ZNF536: variants seen among roughly 807,000 people sequenced by gnomAD.
The protein encoded by ZNF536 is zinc finger protein 536.
ZNF536 carries 13 observed loss-of-function variants against 84.5 expected under a neutral mutation model. The observed-to-expected ratio is 0.15, with a 90% CI of 0.10 to 0.24. The LOEUF (loss-of-function observed/expected upper bound fraction) is 0.24, where lower values mean the gene tolerates loss of function less well. ZNF536 is among the 10% of genes least tolerant of loss of function. The pLI is 1.00. For synonymous variants in ZNF536, 811 were observed against 742.5 expected, an observed-to-expected ratio of 1.09 and a Z score of -1.50; for missense variants, 1,536 against 1,747.5, an observed-to-expected ratio of 0.88 and a Z score of 2.16.
chr19:30,435,323 G>T (rs1007107989), intron 1 of ZNF536, among the ~76,000 whole-genome samples: 1 of 150,312 alleles, frequency 6.7e-6, no homozygotes, highest in Non-Finnish European at 1.5e-5. Flanking sequence ...GGTGATGGTG[G>T]TGATGATGAT....
chr19:30,251,924 G>A (rs1373122639), intron 1 of ZNF536, among the ~76,000 whole-genome samples: 1 of 152,062 alleles, frequency 6.6e-6, no homozygotes, highest in African/African-American at 2.4e-5. Flanking sequence ...ATTCCTTTTT[G>A]TGGCTGAGTA....
intron 3 of ZNF536, among the ~76,000 whole-genome samples, chr19:30,365,854 C>T (rs760132453): frequency 9.9e-5 from 15 of 152,146 alleles, no homozygotes; most frequent in Admixed American, 5.9e-4. Context: ...ATAATAGCTA[C>T]GAAATCTCTG....
chr19:30,281,145 A>C (rs2045428873), intron 1 of ZNF536, among the ~76,000 whole-genome samples: 1 of 151,938 alleles, frequency 6.6e-6, no homozygotes, highest in Non-Finnish European at 1.5e-5. Context: ...CTCTCTCAGA[A>C]CTTTCCACTC....
chr19:30,679,989 G>T (rs368694218), intron 1 of ZNF536, among the ~76,000 whole-genome samples: 1 of 151,866 alleles, frequency 6.6e-6, no homozygotes, highest in African/African-American at 2.4e-5. Context: ...TCCACTGTAC[G>T]CCCTGGGAAA....
chr19:30,326,791 C>CTTTTTTTTTGTTTTTTTT (rs2047043889), intron 2 of ZNF536, among the ~76,000 whole-genome samples: 1 of 51,958 alleles, frequency 1.9e-5, no homozygotes, highest in Non-Finnish European at 3.3e-5. Flanking sequence ...TTATAAAAAG[C>CTTTTTTTTTGTTTTTTTT]TTTTTTTTTT....
downstream of ZNF536, among the ~76,000 whole-genome samples, chr19:30,561,678 C>T (rs1333041546): frequency 6.6e-6 from 1 of 152,174 alleles, no homozygotes; most frequent in Non-Finnish European, 1.5e-5. Flanking sequence ...CGTGGAGCTC[C>T]TCTTGGAACA....
chr19:30,422,984 A>AGC (rs1300024375), intron 1 of ZNF536, among the ~76,000 whole-genome samples: 1 of 68,840 alleles, frequency 1.5e-5, no homozygotes, highest in Non-Finnish European at 3.0e-5. Context: ...CATCCAACCA[A>AGC]ACATCCATCC....
At chr19:30,340,888 C>T (rs546056441) in intron 2 of ZNF536, among the ~76,000 whole-genome samples, 2 of 152,256 alleles carry the variant, frequency 1.3e-5, no homozygotes, top group East Asian at 3.9e-4. Context: ...TTGCAACAGG[C>T]ATCGTGTGTG....
At chr19:30,435,238 GATGATGGTGATA>G (rs1457630476) in intron 1 of ZNF536, among the ~76,000 whole-genome samples, 1 of 151,764 alleles carries the variant, frequency 6.6e-6, no homozygotes, top group Non-Finnish European at 1.5e-5. Context: ...TGATAGTGAT[GATGATGGTGATA>G]ATGGTGGTAA....
At chr19:30,494,029 C>A (rs553203721) in intron 2 of ZNF536, among the ~76,000 whole-genome samples, 10 of 152,200 alleles carry the variant, frequency 6.6e-5, no homozygotes, top group African/African-American at 2.4e-4. Context: ...CTTCTCAACC[C>A]TGCCCCTGTT....
chr19:30,488,509 T>G (rs1481544365), intron 2 of ZNF536, among the ~76,000 whole-genome samples: 1 of 152,018 alleles, frequency 6.6e-6, no homozygotes, highest in East Asian at 1.9e-4. Context: ...AAGGAGCAAG[T>G]CTTATTATTA....
At chr19:30,483,068 C>G (rs935966929) in intron 2 of ZNF536, among the ~76,000 whole-genome samples, 2 of 152,210 alleles carry the variant, frequency 1.3e-5, no homozygotes, top group East Asian at 3.8e-4. Context: ...CTCCCATCCT[C>G]CAGGCTCCAG....
At chr19:30,256,069 G>A (rs1457245604) in intron 1 of ZNF536, among the ~76,000 whole-genome samples, 1 of 152,190 alleles carries the variant, frequency 6.6e-6, no homozygotes, top group East Asian at 1.9e-4. Context: ...TGTGTCTTTA[G>A]CCCAAGTTTC....
At chr19:30,560,054 C>A (rs1005090234), downstream of ZNF536, among the ~76,000 whole-genome samples, 2 of 152,100 alleles carry the variant, frequency 1.3e-5, no homozygotes, top group African/African-American at 4.8e-5. Context: ...CCACCTCCTC[C>A]TCATCATCCC....
chr19:30,701,435 A>C (rs1485753995), intron 1 of ZNF536, among the ~76,000 whole-genome samples: 1 of 150,044 alleles, frequency 6.7e-6, no homozygotes, highest in Non-Finnish European at 1.5e-5. Context: ...ACACACACAC[A>C]GACACAAACA....
chr19:30,648,132 A>G (rs767285877), intron 1 of ZNF536, among the ~76,000 whole-genome samples: 162 of 152,162 alleles, frequency 1.1e-3, no homozygotes, highest in Middle Eastern at 3.4e-3. Context: ...CTGTGTTCCC[A>G]GAACACAGAC....
At chr19:30,248,968 G>T (rs562840780) in intron 1 of ZNF536, among the ~76,000 whole-genome samples, 3 of 152,290 alleles carry the variant, frequency 2.0e-5, no homozygotes, top group Non-Finnish European at 2.9e-5. Flanking sequence ...CCAAACGGGG[G>T]TTTAACCTCT....
chr19:30,283,818 G>A (rs28473291), intron 1 of ZNF536, among the ~76,000 whole-genome samples: 9,599 of 152,006 alleles, frequency 0.063, 746 homozygotes, highest in Admixed American at 0.16. Context: ...GATAAGAGAT[G>A]GTTAGAAGTT....
chr19:30,267,274 A>T (rs1035980173), intron 1 of ZNF536, among the ~76,000 whole-genome samples: 1 of 152,170 alleles, frequency 6.6e-6, no homozygotes, highest in African/African-American at 2.4e-5. Context: ...GTTATTAGAG[A>T]TACATAATTT....
Sources: allele counts gnomAD v4.1 joint callset (sites outside exome capture counted in the v4.1 genomes callset), GRCh38; gene constraint gnomAD v4.1.1; transcripts MANE v1.5; gene names NCBI Gene and HGNC (gene_info 2026-07-23, HGNC 2026-07-21).